Variants in CALCRL observed in about 807,000 individuals in gnomAD.
CALCRL encodes the protein calcitonin gene-related peptide type 1 receptor.
A neutral mutation model predicts 60.4 loss-of-function variants in CALCRL; 27 were observed. That is an observed-to-expected ratio of 0.45 (90% confidence interval 0.33 to 0.62). The LOEUF is 0.62. Among genes scored for constraint, CALCRL ranks in the 20% least tolerant of loss-of-function variants. The probability of loss-of-function intolerance (pLI) is 0.03; values close to 1 mark genes in which losing one functional copy is unlikely to be tolerated. For missense variants in CALCRL, 424 were observed against 540.7 expected (o/e 0.78, Z 2.14); for synonymous variants, 190 against 182.6 (o/e 1.04, Z -0.33).
intron 1 of CALCRL, among the ~76,000 whole-genome samples, chr2:187,447,279 G>T (rs1048536257): frequency 6.6e-6 from 1 of 151,814 alleles, no homozygotes; most frequent in Admixed American, 6.6e-5. Flanking sequence ...CCCTCCAAAA[G>T]CTTGCAGAGG....
At chr2:187,406,614 T>C (rs1689140161) in intron 1 of CALCRL, among the ~76,000 whole-genome samples, 1 of 152,086 alleles carries the variant, frequency 6.6e-6, no homozygotes, top group Non-Finnish European at 1.5e-5. Context: ...TTTTTATCTA[T>C]GGTCTTTGTA....
chr2:187,415,832 G>C lies in CALCRL; in HGVS notation c.-292-28076C>G, dbSNP rs1468287597. On this transcript the variant is annotated intron_variant, in intron 1 of 14. Transcript: ENST00000392370. The stretch of plus-strand genomic sequence containing the variant: ...AGGGTGGTGGATCATGGTCCACATG[G>C]CCTCCAGAAAGTAAGACCCCTGCAC... 1.1e-5 allele frequency: 4 copies of C among 377,960 alleles called. No individual in the cohort carries two copies. The South Asian group carries it at 1.4e-4, about 13-fold the overall frequency. 23.4% of individuals were successfully genotyped at this position (377,960 alleles called of 1,614,324 possible).
At chr2:187,411,006 G>T (rs1349459104) in intron 1 of CALCRL, among the ~76,000 whole-genome samples, 2 of 152,044 alleles carry the variant, frequency 1.3e-5, no homozygotes, top group Non-Finnish European at 2.9e-5. Context: ...TCATTATTTT[G>T]TCTGGTGGGT....
In CALCRL at chr2:187,383,444, C is replaced by A. The variant is rs565326460; in HGVS notation, c.52-139G>T. The A allele has an allele frequency of 8.9e-4, 536 of 603,786 alleles. 2 individuals are homozygous for A. The highest frequency in any genetic ancestry group is 1.2e-3 in the Non-Finnish European group (459 of 372,072). The allele number at this position is 603,786 out of a possible 1,614,324, so 37.4% of individuals were successfully genotyped here. On this transcript the variant is annotated intron_variant, in intron 4 of 14. Coordinates refer to ENST00000392370, the MANE Select transcript of CALCRL (RefSeq NM_005795.6). ...ATAAACTGGCGCTCTAGGGAAAAAA[C>A]CCCAATTTGTAGTGTTTGCTATTTC... is the stretch of plus-strand genomic sequence containing the variant.
intron 4 of CALCRL, among the ~76,000 whole-genome samples, chr2:187,384,761 T>A (rs986166405): frequency 3.3e-5 from 5 of 152,150 alleles, no homozygotes; most frequent in African/African-American, 2.4e-5. Flanking sequence ...TGGAAACACC[T>A]CAAGAAAATT....
At position 187,383,189 on chromosome 2, in the gene CALCRL, G is replaced by A. The variant is rs1339923020; in HGVS notation, c.168C>T (p.Pro56=). The A allele has an allele frequency of 6.2e-7, 1 of 1,608,688 alleles. No individual in the cohort carries two copies. Among genetic ancestry groups the A allele is most frequent in the Admixed American group, 1.7e-5 (1 of 59,186 alleles). The change falls in exon 5 of 15, where the codon CCC becomes CCT. Residue 56 remains proline, a synonymous_variant. Transcript: ENST00000392370. ...YECYQKIMQD[P]IQQAEGVYCN... ...CATGCTTACCTTCTGCTTGTTGAATGGGGTCTTGCATAATCTTTTGGTAAC... is the reference window on the plus strand; with the variant it reads ...CATGCTTACCTTCTGCTTGTTGAATAGGGTCTTGCATAATCTTTTGGTAAC...
At chr2:187,441,521 C>T (rs1013367532) in intron 1 of CALCRL, among the ~76,000 whole-genome samples, 4 of 151,818 alleles carry the variant, frequency 2.6e-5, no homozygotes, top group African/African-American at 9.7e-5. Context: ...GCCTTCGACA[C>T]CTAGCATAGG....
chr2:187,397,433 C>G (rs533184615), intron 1 of CALCRL, among the ~76,000 whole-genome samples: 1 of 151,620 alleles, frequency 6.6e-6, no homozygotes, highest in South Asian at 2.1e-4. Flanking sequence ...ACCCAAAGCT[C>G]TAGCAAATTT....
At chr2:187,409,982 G>C (rs1689289934) in intron 1 of CALCRL, among the ~76,000 whole-genome samples, 1 of 152,190 alleles carries the variant, frequency 6.6e-6, no homozygotes, top group Admixed American at 6.5e-5. Flanking sequence ...CAGGGAGTTT[G>C]ATGACTTGTT....
In CALCRL at chr2:187,387,343, A is replaced by G. The variant is rs1203983888; in HGVS notation, c.-51T>C. 1 of 158,858 alleles carries G rather than the reference A, an allele frequency of 6.3e-6. No homozygotes were observed. The highest frequency in any genetic ancestry group is 1.4e-5 in the Non-Finnish European group (1 of 72,702). The allele number at this position is 158,858 out of a possible 1,614,324, so 9.8% of individuals were successfully genotyped here. A position where few individuals can be genotyped will look rare whatever the true frequency, so the allele number is the denominator to read the frequency against. ...CAATGACTCACCTAGAAGTTGTAGCAATCTTGTTTTATAGCAACCTTGTCA... is the reference window on the plus strand; with the variant it reads ...CAATGACTCACCTAGAAGTTGTAGCGATCTTGTTTTATAGCAACCTTGTCA... On this transcript the variant is annotated 5_prime_UTR_variant, in exon 3 of 15. Coordinates refer to ENST00000392370, the MANE Select transcript of CALCRL (RefSeq NM_005795.6).
intron 1 of CALCRL, chr2:187,428,406 A>G (rs557872956): frequency 6.6e-6 from 1 of 152,330 alleles, no homozygotes; most frequent in Non-Finnish European, 1.5e-5. Context: ...GAGAATAAGT[A>G]TTTGTAAACA....
chr2:187,418,696 A>C (rs575313749), intron 1 of CALCRL, among the ~76,000 whole-genome samples: 1 of 152,238 alleles, frequency 6.6e-6, no homozygotes, highest in East Asian at 1.9e-4. Context: ...GTAATTTACC[A>C]ACCTTTGCAA....
chr2:187,401,710 A>C (rs955113876), intron 1 of CALCRL, among the ~76,000 whole-genome samples: 3 of 151,624 alleles, frequency 2.0e-5, no homozygotes, highest in Non-Finnish European at 3.0e-5. Context: ...CTGACAATTT[A>C]CAAACAAAAA....
At chr2:187,416,780 G>A (rs978059591) in intron 1 of CALCRL, among the ~76,000 whole-genome samples, 1 of 152,010 alleles carries the variant, frequency 6.6e-6, no homozygotes, top group African/African-American at 2.4e-5. Context: ...TGTTTCTCAC[G>A]TGAATTACAA....
At chr2:187,389,070 T>TTC (rs371100511) in intron 1 of CALCRL, among the ~76,000 whole-genome samples, 9 of 14,876 alleles carry the variant, frequency 6.1e-4, no homozygotes, top group African/African-American at 2.2e-3. Context: ...CTTCTTCTTC[T>TTC]TTTTTTTTTT....
intron 1 of CALCRL, among the ~76,000 whole-genome samples, chr2:187,397,159 T>C (rs1008596203): frequency 6.6e-6 from 1 of 151,744 alleles, no homozygotes; most frequent in Non-Finnish European, 1.5e-5. Context: ...TTTGTAAATA[T>C]AAGTAAGCTT....
At chr2:187,387,041 A>G (rs1326253547) in intron 3 of CALCRL, among the ~76,000 whole-genome samples, 2 of 152,212 alleles carry the variant, frequency 1.3e-5, no homozygotes, top group Admixed American at 6.5e-5. Context: ...TGTGTTTATC[A>G]GCAGCATGAA....
At chr2:187,363,653 T>A in intron 8 of CALCRL, 151 bp from the exon 9 acceptor site, 1 of 793,798 alleles carries the variant, frequency 1.3e-6, no homozygotes, top group African/African-American at 1.8e-5. Context: ...ACAAAAATCT[T>A]AATTAGGGAA....
intron 1 of CALCRL, among the ~76,000 whole-genome samples, chr2:187,413,591 C>T (rs1029871483): frequency 6.6e-6 from 1 of 152,108 alleles, no homozygotes; most frequent in Non-Finnish European, 1.5e-5. Context: ...AGAAATGATT[C>T]TTTCATTTGG....
Sources: gnomAD v4.1 joint callset for allele counts (sites outside exome capture counted in the v4.1 genomes callset) on GRCh38, gnomAD v4.1.1 for gene constraint, MANE v1.5 for transcripts, NCBI Gene and HGNC (gene_info 2026-07-23, HGNC 2026-07-21) for gene names.